The following CFAP54 variants were observed in gnomAD, a reference collection of about 807,000 sequenced individuals.
CFAP54 encodes the protein cilia and flagella associated protein 54, also known as cilia- and flagella-associated protein 54.
In CFAP54, 290 loss-of-function variants were observed where a neutral mutation model predicts 370.4. The observed-to-expected ratio is 0.78, with a 90% CI of 0.71 to 0.86. CFAP54 has a LOEUF of 0.86. CFAP54 is among the 40% of genes least tolerant of loss of function. CFAP54 has a pLI of 0.00. For missense variants in CFAP54, 3,399 were observed against 3,528.7 expected, an observed-to-expected ratio of 0.96 and a Z score of 0.93; for synonymous variants, 1,206 against 1,236.5, an observed-to-expected ratio of 0.98 and a Z score of 0.52.
At chr12:96,511,864 T>C (rs940766673) in intron 4 of CFAP54, among the ~76,000 whole-genome samples, 5 of 152,258 alleles carry the variant, frequency 3.3e-5, no homozygotes, top group Non-Finnish European at 7.3e-5. Flanking sequence ...AGATACTTTA[T>C]AGAAAATATT....
chr12:96,782,623 A>G (rs920653864), intron 60 of CFAP54, among the ~76,000 whole-genome samples: 1 of 152,186 alleles, frequency 6.6e-6, no homozygotes, highest in Non-Finnish European at 1.5e-5. Flanking sequence ...CCATGTTTAT[A>G]GTTAAGAAGA....
chr12:96,701,770 TGAGGAG>T (rs113973500), intron 46 of CFAP54, among the ~76,000 whole-genome samples: 2 of 151,014 alleles, frequency 1.3e-5, no homozygotes, highest in East Asian at 1.9e-4. Context: ...GAGGCTGCAA[TGAGGAG>T]GAGGAGGAGG....
At chr12:96,869,420 T>G (rs1002815424) in intron 67 of CFAP54, among the ~76,000 whole-genome samples, 24 of 152,154 alleles carry the variant, frequency 1.6e-4, no homozygotes, top group African/African-American at 5.8e-4. Flanking sequence ...ATACAAGTAG[T>G]GCTTCAGCAA....
At chr12:96,497,758 G>C (rs1356224295) in intron 1 of CFAP54, among the ~76,000 whole-genome samples, 1 of 152,188 alleles carries the variant, frequency 6.6e-6, no homozygotes, top group African/African-American at 2.4e-5. Flanking sequence ...GTTGAGGATA[G>C]TTTCCTTTAA....
chr12:96,561,704 T>TACACACAC (rs56098924), intron 17 of CFAP54, among the ~76,000 whole-genome samples: 3 of 125,374 alleles, frequency 2.4e-5, no homozygotes, highest in African/African-American at 9.0e-5. Flanking sequence ...AGCTAAGAAA[T>TACACACAC]ACACACACAC....
At position 96,547,522 on chromosome 12, in the gene CFAP54, G is replaced by A. The variant is rs577021344; in HGVS notation, c.2078-380G>A. On this transcript the variant is annotated intron_variant, in intron 14 of 67. Coordinates refer to ENST00000524981, the MANE Select transcript of CFAP54 (RefSeq NM_001306084.2). ...TTAAATGGACCTTATAGAATATAGA[G>A]AAAGATGATATTGACTTGTTGATAA... 1.2e-3 allele frequency among the ~76,000 whole-genome samples: 177 copies of A among 152,200 alleles called. 1 individual carries two copies. Among genetic ancestry groups the A allele is most frequent in the African/African-American group, 4.2e-3 (174 of 41,536 alleles).
At chr12:96,785,303 C>A (rs187266259) in intron 61 of CFAP54, among the ~76,000 whole-genome samples, 1 of 151,656 alleles carries the variant, frequency 6.6e-6, no homozygotes, top group Non-Finnish European at 1.5e-5. Context: ...CATATTAATT[C>A]CGTGGAGTTT....
chr12:96,698,859 A>G (rs1440659570), intron 45 of CFAP54, among the ~76,000 whole-genome samples: 1 of 152,214 alleles, frequency 6.6e-6, no homozygotes, highest in Admixed American at 6.5e-5. Flanking sequence ...GCAGAGGTTT[A>G]TTGAAAATGA....
Position 96,704,786 on chromosome 12 carries a change from A to AAAAT in CFAP54, c.6520_6523dup (p.Ile2175LysfsTer6). The AAAAT allele has an allele frequency of 8.8e-7, 1 of 1,140,196 alleles. No homozygotes were observed. The highest frequency in any genetic ancestry group is 1.2e-6 in the Non-Finnish European group (1 of 810,608). The allele number at this position is 1,140,196 out of a possible 1,614,324, so 70.6% of individuals were successfully genotyped here. On this transcript the variant is annotated frameshift_variant, in exon 47 of 68. Transcript: ENST00000524981. LOFTEE classifies it high-confidence loss of function. ...TCAGGAAAACTTCTTACCAGTAAAG[A>AAAAT]AAATATACAGGTAAGGATAATAATA...
chr12:96,525,362 T>C (rs780421161), intron 8 of CFAP54, among the ~76,000 whole-genome samples: 34 of 152,050 alleles, frequency 2.2e-4, no homozygotes, highest in Non-Finnish European at 4.3e-4. Flanking sequence ...TACTTGACAA[T>C]CCATTGTTTT....
intron 46 of CFAP54, among the ~76,000 whole-genome samples, chr12:96,703,111 A>G (rs1455493426): frequency 2.6e-5 from 4 of 152,224 alleles, no homozygotes; most frequent in East Asian, 1.9e-4. Context: ...TACTTTTTCA[A>G]TAAAAGCTAT....
chr12:96,552,808 G>A (rs540326530), intron 15 of CFAP54, among the ~76,000 whole-genome samples: 1 of 152,246 alleles, frequency 6.6e-6, no homozygotes, highest in South Asian at 2.1e-4. Context: ...AGTTACCTTC[G>A]CATTATAGGG....
intron 61 of CFAP54, 74 bp downstream of exon 61, chr12:96,784,964 A>G (rs1958614906): frequency 3.4e-6 from 4 of 1,179,992 alleles, no homozygotes; most frequent in Admixed American, 3.4e-5. Flanking sequence ...CTTGTTGAGA[A>G]TTATAAGATA....
At chr12:96,577,187 A>G (rs1955987258) in intron 20 of CFAP54, among the ~76,000 whole-genome samples, 1 of 152,206 alleles carries the variant, frequency 6.6e-6, no homozygotes, top group South Asian at 2.1e-4. Flanking sequence ...AGGGGTGATG[A>G]GTCTAGAGGT....
chr12:96,769,248 T>C lies in CFAP54; in HGVS notation c.8281+4030T>C, dbSNP rs1958432181. Among the ~76,000 whole-genome samples the C allele has an allele frequency of 2.6e-5, 4 of 152,374 alleles. No individual in the cohort carries two copies. In the South Asian group the frequency reaches 8.3e-4, roughly 32 times the overall value. On this transcript the variant is annotated intron_variant, in intron 60 of 67. Coordinates refer to ENST00000524981, the MANE Select transcript of CFAP54 (RefSeq NM_001306084.2). ...AGCTGGGATTAAAATTATTAAATTCTGTATTTAAATTTTGAATTCAAAGTA... is the reference window on the plus strand; with the variant it reads ...AGCTGGGATTAAAATTATTAAATTCCGTATTTAAATTTTGAATTCAAAGTA...
chr12:96,625,106 G>A (rs1320364129), intron 28 of CFAP54, among the ~76,000 whole-genome samples: 3 of 152,058 alleles, frequency 2.0e-5, no homozygotes, highest in Non-Finnish European at 2.9e-5. Context: ...TGATAGTTTT[G>A]TACAGTGTTT....
In CFAP54 at chr12:96,679,581, C is replaced by T. The variant is rs778947590; in HGVS notation, c.5564-19C>T. The T allele has an allele frequency of 1.9e-5, 31 of 1,601,834 alleles. No homozygotes were observed. Among genetic ancestry groups the T allele is most frequent in the Admixed American group, 1.4e-4 (8 of 58,308 alleles). ...GTGCAGCATTTCATCCCCAATATTC[C>T]GCTTTTCTTTCCTTTCAGAATACAG... is the stretch of plus-strand genomic sequence containing the variant. On this transcript the variant is annotated intron_variant, in intron 39 of 67. Transcript: ENST00000524981.
At chr12:96,608,304 TATATAC>T (rs1956321164) in intron 26 of CFAP54, among the ~76,000 whole-genome samples, 1 of 42,392 alleles carries the variant, frequency 2.4e-5, no homozygotes, top group Non-Finnish European at 4.4e-5. Flanking sequence ...TATGCATATA[TATATAC>T]ACACACACAC....
chr12:96,542,024 C>T (rs1955580423), intron 14 of CFAP54, among the ~76,000 whole-genome samples: 1 of 152,116 alleles, frequency 6.6e-6, no homozygotes, highest in African/African-American at 2.4e-5. Context: ...GGTTGCAGCC[C>T]TGTACTATAT....
Sources: allele counts gnomAD v4.1 joint callset (sites outside exome capture counted in the v4.1 genomes callset), GRCh38; gene constraint gnomAD v4.1.1; transcripts MANE v1.5; gene names NCBI Gene and HGNC (gene_info 2026-07-23, HGNC 2026-07-21).